The following SCPEP1 variants were observed in gnomAD, a reference collection of about 807,000 sequenced individuals.
SCPEP1 encodes serine carboxypeptidase 1, also known as retinoid-inducible serine carboxypeptidase.
SCPEP1 carries 51 observed loss-of-function variants against 63.8 expected under a neutral mutation model. The observed-to-expected ratio is 0.80, with a 90% CI of 0.64 to 1.01. The LOEUF is 1.01. SCPEP1 is among the 50% of genes least tolerant of loss of function. SCPEP1 has a pLI of 0.00. For synonymous variants in SCPEP1, 204 were observed against 207.8 expected, an observed-to-expected ratio of 0.98 and a Z score of 0.16; for missense variants, 499 against 554.9, an observed-to-expected ratio of 0.90 and a Z score of 1.01.
rs1389986685 is a variant in SCPEP1, at chr17:57,002,040, A to G, written c.1155A>G (p.Lys385=). ...CAGGTCAGGAGGCCTGGGTGCGGAA[A>G]CTGAAGTGGCCAGAACTGCCTAAAT... is the stretch of plus-strand genomic sequence containing the variant. ...DTMGQEAWVR[K]LKWPELPKFS... Residue 385 remains lysine (K), a synonymous_variant, in exon 12 of 13, where the codon AAA becomes AAG. Transcript: ENST00000262288. 2 of 1,614,070 alleles carry G rather than the reference A, an allele frequency of 1.2e-6. No individual in the cohort carries two copies. Among genetic ancestry groups the G allele is most frequent in the East Asian group, 2.2e-5 (1 of 44,888 alleles).
At chr17:56,985,661 T>A (rs111288372) in intron 3 of SCPEP1, among the ~76,000 whole-genome samples, 194 bp downstream of exon 3, 7 of 152,102 alleles carry the variant, frequency 4.6e-5, no homozygotes, top group Non-Finnish European at 1.0e-4. Context: ...GGACAGCTTA[T>A]CTTGCACCAG....
chr17:56,992,602 C>G (rs757035900), intron 6 of SCPEP1, among the ~76,000 whole-genome samples: 3 of 152,164 alleles, frequency 2.0e-5, no homozygotes, highest in Non-Finnish European at 2.9e-5. Flanking sequence ...ATGGGGTCTC[C>G]TCAGTTTCAC....
At chr17:57,004,148 A>G (rs537079978) in intron 12 of SCPEP1, among the ~76,000 whole-genome samples, 2 of 152,290 alleles carry the variant, frequency 1.3e-5, no homozygotes, top group South Asian at 2.1e-4. Context: ...GCAGTGAGCC[A>G]AGATAGTGCC....
intron 12 of SCPEP1, among the ~76,000 whole-genome samples, chr17:57,004,140 A>C (rs185774589): frequency 6.6e-6 from 1 of 152,310 alleles, no homozygotes; most frequent in Admixed American, 6.5e-5. Flanking sequence ...CAGAGGTTGC[A>C]GTGAGCCAAG....
chr17:56,993,155 G>A (rs1014040642), intron 6 of SCPEP1, among the ~76,000 whole-genome samples: 1 of 152,220 alleles, frequency 6.6e-6, no homozygotes, highest in African/African-American at 2.4e-5. Flanking sequence ...CTAAGCCCAT[G>A]TGACCATGTC....
chr17:56,989,510 A>G (rs1052749278), intron 5 of SCPEP1, among the ~76,000 whole-genome samples: 1 of 152,246 alleles, frequency 6.6e-6, no homozygotes, highest in South Asian at 2.1e-4. Context: ...GAATACTTAT[A>G]CATATGTATA....
At chr17:56,979,863 G>T (rs1177673574) in intron 1 of SCPEP1, among the ~76,000 whole-genome samples, 1 of 151,822 alleles carries the variant, frequency 6.6e-6, no homozygotes, top group Non-Finnish European at 1.5e-5. Context: ...TCTGGGGTTT[G>T]CTTAGATTCT....
At chr17:57,005,359 A>G (rs1911853406) in intron 12 of SCPEP1, among the ~76,000 whole-genome samples, 1 of 152,190 alleles carries the variant, frequency 6.6e-6, no homozygotes, top group Non-Finnish European at 1.5e-5. Context: ...TCACATATAG[A>G]ACAACAGATC....
intron 12 of SCPEP1, among the ~76,000 whole-genome samples, chr17:57,005,919 TAGA>T (rs2144515207): frequency 6.6e-6 from 1 of 152,172 alleles, no homozygotes; most frequent in East Asian, 1.9e-4. Flanking sequence ...CCAAATGGAG[TAGA>T]AGGTTCTTGT....
chr17:57,005,050 T>A (rs1319860978), intron 12 of SCPEP1, among the ~76,000 whole-genome samples: 1 of 152,190 alleles, frequency 6.6e-6, no homozygotes, highest in Non-Finnish European at 1.5e-5. Flanking sequence ...CTACCTACAA[T>A]GCTGTGTTTT....
chr17:56,982,417 C>T (rs912403633), intron 2 of SCPEP1, among the ~76,000 whole-genome samples: 1 of 152,236 alleles, frequency 6.6e-6, no homozygotes, highest in Non-Finnish European at 1.5e-5. Context: ...GGGCCTTTCT[C>T]TTTTGGAATT....
intron 1 of SCPEP1, among the ~76,000 whole-genome samples, chr17:56,980,822 A>G (rs1212154824): frequency 6.8e-6 from 1 of 147,590 alleles, no homozygotes; most frequent in Non-Finnish European, 1.5e-5. Flanking sequence ...AGTGTTTCAT[A>G]TTTATTGTTA....
At chr17:56,998,325 AG>A (rs757923699) in intron 9 of SCPEP1, 59 bp from the exon 10 acceptor site, 47 of 1,132,782 alleles carry the variant, frequency 4.1e-5, no homozygotes, top group Admixed American at 1.4e-4. Context: ...AAAAAAAAAA[AG>A]ATGTCCTCTT....
intron 6 of SCPEP1, 186 bp from the exon 7 acceptor site, chr17:56,994,795 C>T (rs1393906131): frequency 1.1e-5 from 6 of 531,318 alleles, no homozygotes; most frequent in Middle Eastern, 9.8e-4. Context: ...CCTTATCCCA[C>T]CTTCCAGACA....
intron 2 of SCPEP1, among the ~76,000 whole-genome samples, chr17:56,982,326 C>T (rs971524023): frequency 4.6e-5 from 7 of 152,304 alleles, no homozygotes; most frequent in African/African-American, 1.7e-4. Flanking sequence ...AGCAGCCTCC[C>T]ACCACCTGGG....
chr17:56,995,663 G>A (rs1418296495), intron 8 of SCPEP1, 28 bp downstream of exon 8: 1 of 1,609,650 alleles, frequency 6.2e-7, no homozygotes, highest in Non-Finnish European at 8.5e-7. Context: ...TCAGAGGCGA[G>A]CCTGCTTGGC....
chr17:56,978,150 G>T lies in SCPEP1; in HGVS notation c.-10G>T. 2 of 1,333,138 alleles carry T rather than the reference G, an allele frequency of 1.5e-6. No individual in the cohort carries two copies. The highest frequency in any genetic ancestry group is 1.2e-5 in the South Asian group (1 of 83,830). 82.6% of individuals were successfully genotyped at this position (1,333,138 alleles called of 1,614,324 possible). ...CAGCCTGTTGCTGATGCTGCCGTGC[G>T]GTACTTGTCATGGAGCTGGCACTGC... On this transcript the variant is annotated 5_prime_UTR_variant, in exon 1 of 13. Coordinates refer to ENST00000262288, the MANE Select transcript of SCPEP1 (RefSeq NM_021626.3).
At chr17:56,979,339 C>G (rs1006486420) in intron 1 of SCPEP1, among the ~76,000 whole-genome samples, 1 of 152,102 alleles carries the variant, frequency 6.6e-6, no homozygotes, top group African/African-American at 2.4e-5. Flanking sequence ...ACTCCTGTCT[C>G]TTTAGCTGTT....
intron 1 of SCPEP1, among the ~76,000 whole-genome samples, chr17:56,980,788 CAAAAA>C (rs10716600): frequency 2.6e-5 from 2 of 77,136 alleles, no homozygotes; most frequent in African/African-American, 4.9e-5. Flanking sequence ...GACTTCGTAT[CAAAAA>C]AAAAAAAAAA....
Sources: allele counts gnomAD v4.1 joint callset (sites outside exome capture counted in the v4.1 genomes callset), GRCh38; gene constraint gnomAD v4.1.1; transcripts MANE v1.5; gene names NCBI Gene and HGNC (gene_info 2026-07-23, HGNC 2026-07-21).